The following SLC17A2 variants were observed in gnomAD, a reference collection of about 807,000 sequenced individuals.
SLC17A2 encodes sodium-dependent phosphate transport protein 3.
A neutral mutation model predicts 52.1 loss-of-function variants in SLC17A2; 38 were observed. That is an observed-to-expected ratio of 0.73 (90% confidence interval 0.56 to 0.96). The LOEUF is 0.96. SLC17A2 is among the 40% of genes least tolerant of loss of function. The pLI is 0.00. For synonymous variants in SLC17A2, 226 were observed against 211.9 expected (o/e 1.07, Z -0.58); for missense variants, 508 against 583.9 (o/e 0.87, Z 1.34).
At position 25,914,630 on chromosome 6, in the gene SLC17A2, G is replaced by T; in HGVS notation, c.1252C>A (p.Leu418Ile). ...GTGGAAGAGATGATTCCTGCGATGA[G>T]CCCAAATCCCCTTGAGATTCCCATG... ...FLMGISRGFG[L>I]IAGIISSTAT... The change falls in exon 11 of 12, where the codon CTC (leucine) becomes ATC (isoleucine). Residue 418 changes from leucine (L) to isoleucine (I), a missense_variant. By Grantham distance (5) the Leu-to-Ile change is conservative. Transcript: ENST00000377850. 1.2e-6 allele frequency: 2 copies of T among 1,612,998 alleles called. No homozygotes were observed. Among genetic ancestry groups the T allele is most frequent in the Non-Finnish European group, 1.7e-6 (2 of 1,178,958 alleles).
chr6:25,912,948 G>T lies in SLC17A2; in HGVS notation c.*369C>A. ...TGCATCCAATAACCTGCCCCACCAT[G>T]AAGATATTTATCAGTGATCATTTTC... On this transcript the variant is annotated 3_prime_UTR_variant, in exon 12 of 12. Coordinates refer to ENST00000377850, the MANE Select transcript of SLC17A2 (RefSeq NM_001286123.3). 1 of 177,958 alleles carries T rather than the reference G, an allele frequency of 5.6e-6. No individual in the cohort carries two copies. Among genetic ancestry groups the T allele is most frequent in the Non-Finnish European group, 1.2e-5 (1 of 83,484 alleles). 11.0% of individuals were successfully genotyped at this position (177,958 alleles called of 1,614,324 possible).
intron 1 of SLC17A2, among the ~76,000 whole-genome samples, chr6:25,928,116 T>G (rs1766827555): frequency 6.6e-6 from 1 of 152,078 alleles, no homozygotes; most frequent in Non-Finnish European, 1.5e-5. Context: ...TTTATTTTAT[T>G]GATAAGAAAA....
chr6:25,915,392 T>C (rs1444694484), intron 10 of SLC17A2, 107 bp downstream of exon 10: 1 of 945,068 alleles, frequency 1.1e-6, no homozygotes, highest in African/African-American at 1.7e-5. Context: ...TTTGTCATTC[T>C]GCCATTAGTG....
At chr6:25,914,491 T>C (rs1766224103) in intron 11 of SLC17A2, 89 bp downstream of exon 11, 2 of 823,844 alleles carry the variant, frequency 2.4e-6, no homozygotes, top group East Asian at 2.5e-5. Context: ...AGTAATTGTG[T>C]TGCCATCCAG....
rs372403410 is a variant in SLC17A2 at position 25,925,744 on chromosome 6, C to G, written c.28+25G>C. ...ATAAGCTTCAGCTTATTAACATAGC[C>G]TGCAAACAAGAGCAGTGGCTTTACC... On this transcript the variant is annotated intron_variant, in intron 2 of 11. Transcript: ENST00000377850. The G allele has an allele frequency of 2.5e-6, 4 of 1,610,072 alleles. No individual in the cohort carries two copies. The Admixed American group carries it at 6.7e-5, about 27-fold the overall frequency.
chr6:25,923,621 A>G lies in SLC17A2; in HGVS notation c.240+74T>C, dbSNP rs1329131064. ...TTGGAAATGTATACTTCCATACTCC[A>G]CAGAATCAAGATCTATGCCTTCCTT... On this transcript the variant is annotated intron_variant, in intron 3 of 11. Transcript: ENST00000377850. The G allele has an allele frequency of 1.0e-5, 12 of 1,156,618 alleles. No homozygotes were observed. In the East Asian group the frequency reaches 2.8e-4, roughly 27 times the overall value. The allele number at this position is 1,156,618 out of a possible 1,614,324, so 71.6% of individuals were successfully genotyped here.
intron 1 of SLC17A2, among the ~76,000 whole-genome samples, chr6:25,926,843 G>A (rs1766782207): frequency 1.3e-5 from 2 of 152,124 alleles, no homozygotes; most frequent in Non-Finnish European, 2.9e-5. Flanking sequence ...GAGGTGGGTG[G>A]ATCACTTGAG....
rs1413851147 is a variant in SLC17A2, at chr6:25,915,524, T to A, written c.1186A>T (p.Ile396Phe). 1 of 1,558,600 alleles carries A rather than the reference T, an allele frequency of 6.4e-7. No homozygotes were observed. Among genetic ancestry groups the A allele is most frequent in the African/African-American group, 1.4e-5 (1 of 73,248 alleles). The change falls in exon 10 of 12, where the codon ATC becomes TTC. Residue 396 changes from isoleucine to phenylalanine, a missense_variant. Physicochemically the swap from Ile to Phe is conservative, Grantham distance 21. Transcript: ENST00000377850. ...CTGGGGGCGATATCTAAGGTGTTGA[T>A]GATAAACCCTGAGTCACATAGGTTA... ...TSNLCDSGFIINTLDIAPRYA... is the reference protein window; with the variant it reads ...TSNLCDSGFIFNTLDIAPRYA...
chr6:25,925,930 T>C lies in SLC17A2; in HGVS notation c.-83-51A>G. 3.1e-6 allele frequency: 3 copies of C among 963,860 alleles called. No individual in the cohort carries two copies. In the South Asian group the frequency reaches 3.9e-5, roughly 13 times the overall value. 59.7% of individuals were successfully genotyped at this position (963,860 alleles called of 1,614,324 possible). ...ATAATACACAAATAATTTCCCCTTG[T>C]TAATGTTGCCTCCTCTTAGCATCAG... On this transcript the variant is annotated intron_variant, in intron 1 of 11. Coordinates refer to ENST00000377850, the MANE Select transcript of SLC17A2 (RefSeq NM_001286123.3).
At chr6:25,921,150 C>T (rs369404309) in intron 4 of SLC17A2, 29 bp downstream of exon 4, 1 of 1,613,138 alleles carries the variant, frequency 6.2e-7, no homozygotes, top group Non-Finnish European at 8.5e-7. Context: ...AATCTGGATC[C>T]CACCAAGAAT....
intron 5 of SLC17A2, 55 bp downstream of exon 5, chr6:25,920,951 A>C: frequency 6.7e-7 from 1 of 1,498,080 alleles, no homozygotes; most frequent in Non-Finnish European, 9.3e-7. Context: ...ATAGAAGATA[A>C]GACACAGTGG....
intron 1 of SLC17A2, among the ~76,000 whole-genome samples, chr6:25,926,613 A>G (rs1766773900): frequency 6.6e-6 from 1 of 152,168 alleles, no homozygotes. Flanking sequence ...ATACTAATCA[A>G]ATTATCTTTG....
Position 25,917,981 on chromosome 6 carries a change from G to C in SLC17A2, c.649+506C>G, listed in dbSNP as rs1581561675. 2.0e-5 allele frequency among the ~76,000 whole-genome samples: 3 copies of C among 152,354 alleles called. No individual in the cohort carries two copies. The East Asian group carries it at 5.8e-4, about 29-fold the overall frequency. ...TAGAGAGGAAATATCATAAAGGAGA[G>C]AATGCCAGAATCTGATAGGGTAAGC... On this transcript the variant is annotated intron_variant, in intron 6 of 11. Transcript: ENST00000377850.
chr6:25,918,836 C>G (rs546273566), intron 5 of SLC17A2, among the ~76,000 whole-genome samples: 20 of 152,332 alleles, frequency 1.3e-4, no homozygotes, highest in South Asian at 6.2e-4. Flanking sequence ...TAGTTTGTCA[C>G]AGTAACTCTC....
At chr6:25,929,229 G>C (rs1766867563) in intron 1 of SLC17A2, among the ~76,000 whole-genome samples, 1 of 152,168 alleles carries the variant, frequency 6.6e-6, no homozygotes, top group Non-Finnish European at 1.5e-5. Context: ...TTCCCAAATT[G>C]AGTAAACCAG....
chr6:25,915,947 T>A, intron 8 of SLC17A2, 79 bp from the exon 9 acceptor site: 1 of 1,374,622 alleles, frequency 7.3e-7, no homozygotes, highest in Non-Finnish European at 1.0e-6. Flanking sequence ...GACCAGCCAT[T>A]AACTTACCCC....
chr6:25,924,710 G>GAGTCAGGAGAATCACTTGA (rs1284281510), intron 2 of SLC17A2, among the ~76,000 whole-genome samples: 3 of 151,638 alleles, frequency 2.0e-5, no homozygotes, highest in Non-Finnish European at 2.9e-5. Context: ...TCGGGAGGCT[G>GAGTCAGGAGAATCACTTGA]AGTCAGGAGA....
chr6:25,915,041 T>C (rs1373892875), intron 10 of SLC17A2, among the ~76,000 whole-genome samples: 1 of 151,310 alleles, frequency 6.6e-6, no homozygotes, highest in Admixed American at 6.6e-5. Context: ...GCCTCAGCCT[T>C]CTCCCTTATA....
At chr6:25,928,684 TC>T (rs1466669625) in intron 1 of SLC17A2, among the ~76,000 whole-genome samples, 1 of 152,220 alleles carries the variant, frequency 6.6e-6, no homozygotes. Flanking sequence ...GAAATGTTTT[TC>T]CAAAATAAGC....
Sources: gnomAD v4.1 joint callset for allele counts (sites outside exome capture counted in the v4.1 genomes callset) on GRCh38, gnomAD v4.1.1 for gene constraint, MANE v1.5 for transcripts, NCBI Gene and HGNC (gene_info 2026-07-23, HGNC 2026-07-21) for gene names.